Variants in ZNF566 observed in about 807,000 individuals in gnomAD.
ZNF566 encodes zinc finger protein 566.
ZNF566 carries 27 observed loss-of-function variants against 32.8 expected under a neutral mutation model. The ratio of observed to expected loss-of-function variants is 0.82; its 90% CI spans 0.61 to 1.14. The LOEUF is 1.14. Among genes scored for constraint, ZNF566 ranks in the 50% most tolerant of loss-of-function variants. The probability of loss-of-function intolerance (pLI) is 0.00; values close to 1 mark genes in which losing one functional copy is unlikely to be tolerated. For synonymous variants in ZNF566, 154 were observed against 159.5 expected (o/e 0.97, Z 0.26); for missense variants, 402 against 490.4 (o/e 0.82, Z 1.70).
chr19:36,484,217 T>C (rs1468065033), intron 1 of ZNF566, among the ~76,000 whole-genome samples: 1 of 152,210 alleles, frequency 6.6e-6, no homozygotes, highest in Admixed American at 6.5e-5. Context: ...CAGCAGTGTA[T>C]GAGTGGTTGA....
At chr19:36,454,704 A>G (rs1404143027) in intron 4 of ZNF566, among the ~76,000 whole-genome samples, 2 of 152,212 alleles carry the variant, frequency 1.3e-5, no homozygotes, top group Non-Finnish European at 2.9e-5. Context: ...AAATCTGAAC[A>G]GACCAATTAT....
intron 1 of ZNF566, among the ~76,000 whole-genome samples, chr19:36,487,087 C>G (rs1247364989): frequency 1.9e-4 from 16 of 86,166 alleles, no homozygotes; most frequent in Non-Finnish European, 1.2e-4. Flanking sequence ...GAGACTCCGT[C>G]TCAAAAAAAA....
chr19:36,450,148 A>T (rs1465793362), intron 4 of ZNF566, 147 bp from the exon 5 acceptor site: 1 of 668,354 alleles, frequency 1.5e-6, no homozygotes, highest in Non-Finnish European at 2.5e-6. Context: ...TAATAAGATG[A>T]GGGTAGTGAT....
At chr19:36,459,462 C>G (rs2033403904) in intron 4 of ZNF566, among the ~76,000 whole-genome samples, 2 of 152,096 alleles carry the variant, frequency 1.3e-5, no homozygotes, top group Middle Eastern at 6.9e-3. Flanking sequence ...ATCCACCCAC[C>G]TGGGCCTCCC....
chr19:36,458,366 G>A (rs1356891963), intron 4 of ZNF566, among the ~76,000 whole-genome samples: 1 of 152,116 alleles, frequency 6.6e-6, no homozygotes, highest in East Asian at 1.9e-4. Context: ...CAACATAGAT[G>A]AAGCTGGAGG....
At position 36,446,281 on chromosome 19, in the gene ZNF566, TTTTTTTGAGACAGA is replaced by T. The variant is rs1271311359; in HGVS notation, c.*2682_*2695del. ...TCATTTTTTCTTTCTTTTTTTTTTT[TTTTTTTGAGACAGA>T]TTTTTTGAGACTCTGTCATGCAGGC... On this transcript the variant is annotated 3_prime_UTR_variant, in exon 5 of 5. Coordinates refer to ENST00000452939, the MANE Select transcript of ZNF566 (RefSeq NM_001145344.1). The T allele has an allele frequency of 1.3e-5, 2 of 151,148 alleles. No individual in the cohort carries two copies. Among genetic ancestry groups the T allele is most frequent in the Non-Finnish European group, 3.0e-5 (2 of 67,760 alleles). 9.4% of individuals were successfully genotyped at this position (151,148 alleles called of 1,614,324 possible). A position where few individuals can be genotyped will look rare whatever the true frequency, so the allele number is the denominator to read the frequency against.
chr19:36,474,448 T>C (rs1043465543), intron 2 of ZNF566, among the ~76,000 whole-genome samples: 25 of 152,200 alleles, frequency 1.6e-4, no homozygotes, highest in African/African-American at 6.0e-4. Context: ...AGAATAATAT[T>C]TGCAGCCGTA....
intron 1 of ZNF566, among the ~76,000 whole-genome samples, chr19:36,477,984 G>A (rs1419225166): frequency 6.6e-6 from 1 of 151,956 alleles, no homozygotes; most frequent in Non-Finnish European, 1.5e-5. Flanking sequence ...TTAGCTACAA[G>A]AACTTAATAA....
At chr19:36,458,979 A>C (rs1459471539) in intron 4 of ZNF566, among the ~76,000 whole-genome samples, 2 of 152,120 alleles carry the variant, frequency 1.3e-5, no homozygotes, top group Non-Finnish European at 2.9e-5. Context: ...TCAGCCTCCC[A>C]GGTAGCTGGG....
chr19:36,449,917 T>C lies in ZNF566; in HGVS notation c.317A>G (p.Glu106Gly), dbSNP rs2033108004. 1 of 1,613,942 alleles carries C rather than the reference T, an allele frequency of 6.2e-7. No individual in the cohort carries two copies. The highest frequency in any genetic ancestry group is 1.3e-5 in the African/African-American group (1 of 74,936). ...CTGAAAATCACGTCTTGTGAGTTTT[T>C]CCATTATTTCCCACTGGGTTGATTC... The part of the protein sequence containing the change: ...EIESTQWEIM[E>G]KLTRRDFQCS... Residue 106 changes from glutamate to glycine, a missense_variant, in exon 5 of 5, where the codon GAA becomes GGA. Coordinates refer to ENST00000452939, the MANE Select transcript of ZNF566 (RefSeq NM_001145344.1).
chr19:36,453,342 G>A (rs1261320507), intron 4 of ZNF566, among the ~76,000 whole-genome samples: 1 of 151,052 alleles, frequency 6.6e-6, no homozygotes, highest in South Asian at 2.1e-4. Context: ...CTGTGGTGGT[G>A]TACGCCTGTA....
chr19:36,478,125 C>G (rs1333442249), intron 1 of ZNF566, among the ~76,000 whole-genome samples: 1 of 152,060 alleles, frequency 6.6e-6, no homozygotes, highest in African/African-American at 2.4e-5. Context: ...TATCAATTAT[C>G]TAATGGCTTC....
chr19:36,488,344 C>A (rs1393910662), intron 1 of ZNF566, among the ~76,000 whole-genome samples: 1 of 152,224 alleles, frequency 6.6e-6, no homozygotes, highest in Non-Finnish European at 1.5e-5. Flanking sequence ...ATCCTCTCAC[C>A]TTGGCCTGGC....
chr19:36,473,012 TACAAAAGAAGTA>T lies in ZNF566; in HGVS notation c.137-18_137-7del. On this transcript the variant is annotated splice_region_variant and splice_polypyrimidine_tract_variant and intron_variant, in intron 3 of 4. Coordinates refer to ENST00000452939, the MANE Select transcript of ZNF566 (RefSeq NM_001145344.1). ...TGGTTTAGAAATAGAATGCCCTGCT[TACAAAAGAAGTA>T]ACAAAACAAATTTATCATGAGCATA... The T allele has an allele frequency of 6.2e-7, 1 of 1,609,094 alleles. No individual in the cohort carries two copies. Among genetic ancestry groups the T allele is most frequent in the African/African-American group, 1.3e-5 (1 of 74,788 alleles).
At chr19:36,476,789 C>G (rs1219232185) in intron 1 of ZNF566, among the ~76,000 whole-genome samples, 173 bp from the exon 2 acceptor site, 1 of 152,066 alleles carries the variant, frequency 6.6e-6, no homozygotes, top group Non-Finnish European at 1.5e-5. Flanking sequence ...GTAACTGGAG[C>G]AGGATGGATT....
chr19:36,468,563 G>A (rs976893545), intron 4 of ZNF566, among the ~76,000 whole-genome samples: 2 of 151,656 alleles, frequency 1.3e-5, no homozygotes, highest in East Asian at 1.9e-4. Flanking sequence ...CCCAGATCAC[G>A]CCATTTCACT....
At chr19:36,467,096 G>C (rs1161024101) in intron 4 of ZNF566, among the ~76,000 whole-genome samples, 1 of 149,470 alleles carries the variant, frequency 6.7e-6, no homozygotes, top group African/African-American at 2.5e-5. Context: ...GAAAAATACA[G>C]ACAATTCAAC....
At chr19:36,487,202 T>G (rs1288522266) in intron 1 of ZNF566, among the ~76,000 whole-genome samples, 1 of 151,058 alleles carries the variant, frequency 6.6e-6, no homozygotes, top group African/African-American at 2.4e-5. Context: ...CCATACCAAA[T>G]TACGGAGAGG....
chr19:36,477,562 G>A (rs1404652482), intron 1 of ZNF566, among the ~76,000 whole-genome samples: 1 of 98,708 alleles, frequency 1.0e-5, no homozygotes, highest in Non-Finnish European at 2.2e-5. Context: ...TTTTTGAGAC[G>A]GAGTCTTGCT....
Sources: gnomAD v4.1 joint callset for allele counts (sites outside exome capture counted in the v4.1 genomes callset) on GRCh38, gnomAD v4.1.1 for gene constraint, MANE v1.5 for transcripts, NCBI Gene and HGNC (gene_info 2026-07-23, HGNC 2026-07-21) for gene names.